The following RMDN1 variants were observed in gnomAD, a reference collection of about 807,000 sequenced individuals.
RMDN1 encodes the protein regulator of microtubule dynamics 1.
In RMDN1, 48 loss-of-function variants were observed where a neutral mutation model predicts 48.9. That is an observed-to-expected ratio of 0.98 (90% CI 0.78 to 1.25). The LOEUF is 1.25. Among genes scored for constraint, RMDN1 ranks in the 50% most tolerant of loss-of-function variants. The pLI is 0.00. For missense variants in RMDN1, 418 were observed against 373.4 expected (o/e 1.12, Z -0.98); for synonymous variants, 148 against 132.6 (o/e 1.12, Z -0.80).
Position 86,508,534 on chromosome 8 carries a change from G to A in RMDN1, c.87C>T (p.Gly29=). 1 of 1,576,706 alleles carries A rather than the reference G, an allele frequency of 6.3e-7. No individual in the cohort carries two copies. Among genetic ancestry groups the A allele is most frequent in the Non-Finnish European group, 8.6e-7 (1 of 1,163,818 alleles). The change falls in exon 1 of 10, where the codon GGC becomes GGT. Residue 29 remains glycine (G), a synonymous_variant. Transcript: ENST00000406452. ...PGSRLPAGTS[G]SRGHCGPCRF... is the part of the protein sequence containing the mutation. Reference sequence around the variant, plus strand: ...GACAGGGGCCGCAATGCCCGCGGCTGCCCGAAGTCCCCGCAGGGAGACGAG... The same window carrying A: ...GACAGGGGCCGCAATGCCCGCGGCTACCCGAAGTCCCCGCAGGGAGACGAG...
chr8:86,491,709 A>G (rs1816529189), intron 2 of RMDN1, among the ~76,000 whole-genome samples: 1 of 152,206 alleles, frequency 6.6e-6, no homozygotes, highest in South Asian at 2.1e-4. Context: ...GAAATCTTAA[A>G]TGTAACCTAA....
chr8:86,509,836 T>C (rs1432321459), upstream of RMDN1, among the ~76,000 whole-genome samples: 4 of 152,194 alleles, frequency 2.6e-5, no homozygotes, highest in African/African-American at 9.7e-5. Context: ...AAAGTCTATC[T>C]TTAAAAATAT....
intron 5 of RMDN1, among the ~76,000 whole-genome samples, chr8:86,481,400 C>G (rs1164481078): frequency 7.9e-5 from 12 of 151,884 alleles, no homozygotes; most frequent in Admixed American, 2.0e-4. Flanking sequence ...ATTGGGAGTT[C>G]CACTAAAAAT....
At chr8:86,494,298 G>A (rs1014017665) in intron 2 of RMDN1, among the ~76,000 whole-genome samples, 2 of 152,216 alleles carry the variant, frequency 1.3e-5, no homozygotes, top group African/African-American at 4.8e-5. Context: ...GCTCATGCCT[G>A]TAATCCCAGC....
intron 1 of RMDN1, among the ~76,000 whole-genome samples, chr8:86,513,719 G>A (rs924625033): frequency 2.0e-5 from 3 of 152,254 alleles, no homozygotes; most frequent in Admixed American, 2.0e-4. Flanking sequence ...ACAGAATCAT[G>A]AGGATTAAAG....
intron 8 of RMDN1, among the ~76,000 whole-genome samples, chr8:86,476,029 A>G (rs1813317380): frequency 6.6e-6 from 1 of 152,182 alleles, no homozygotes; most frequent in African/African-American, 2.4e-5. Flanking sequence ...TGGAAAAATA[A>G]AAGATACTAA....
At chr8:86,486,376 A>C (rs1228586915) in intron 4 of RMDN1, 108 bp downstream of exon 4, 1 of 766,664 alleles carries the variant, frequency 1.3e-6, no homozygotes, top group Non-Finnish European at 1.8e-6. Context: ...AAAAGAAAAA[A>C]AAACTTAAAA....
intron 5 of RMDN1, 124 bp from the exon 6 acceptor site, chr8:86,480,456 A>G (rs1586619584): frequency 2.0e-6 from 1 of 512,298 alleles, no homozygotes; most frequent in East Asian, 3.1e-5. Flanking sequence ...TTCTCCCATT[A>G]TAATATCAAC....
chr8:86,482,815 G>C lies in RMDN1; in HGVS notation c.585+2057C>G. Reference sequence around the variant, plus strand: ...ATTATCAGAACCCAAAATGGAGACGGAGCCATCCTTTGGGGAGGTCACTGC... The same window carrying C: ...ATTATCAGAACCCAAAATGGAGACGCAGCCATCCTTTGGGGAGGTCACTGC... On this transcript the variant is annotated intron_variant, in intron 5 of 9. Transcript: ENST00000406452. The C allele has an allele frequency of 3.9e-6, 4 of 1,013,958 alleles. No individual in the cohort carries two copies. In the South Asian group the frequency reaches 5.1e-5, roughly 13 times the overall value. The allele number at this position is 1,013,958 out of a possible 1,614,324, so 62.8% of individuals were successfully genotyped here. A position where few individuals can be genotyped will look rare whatever the true frequency, so the allele number is the denominator to read the frequency against.
intron 2 of RMDN1, among the ~76,000 whole-genome samples, chr8:86,491,106 T>C (rs546421203): frequency 2.0e-5 from 3 of 151,744 alleles, no homozygotes; most frequent in Non-Finnish European, 2.9e-5. Flanking sequence ...AGCTATAATA[T>C]AATGGCTTTA....
Position 86,508,532 on chromosome 8 carries a change from C to T in RMDN1, c.89G>A (p.Ser30Asn). 2 of 1,573,990 alleles carry T rather than the reference C, an allele frequency of 1.3e-6. No individual in the cohort carries two copies. The highest frequency in any genetic ancestry group is 1.2e-5 in the South Asian group (1 of 86,344). The stretch of plus-strand genomic sequence containing the variant: ...TCGACAGGGGCCGCAATGCCCGCGG[C>T]TGCCCGAAGTCCCCGCAGGGAGACG... Reference protein sequence around the residue: ...GSRLPAGTSGSRGHCGPCRFR... With the variant: ...GSRLPAGTSGNRGHCGPCRFR... The change falls in exon 1 of 10, where the codon AGC becomes AAC. Residue 30 changes from serine (S) to asparagine (N), a missense_variant. Transcript: ENST00000406452.
chr8:86,479,924 TCAAGA>T (rs1322427473), intron 6 of RMDN1, among the ~76,000 whole-genome samples: 3 of 152,140 alleles, frequency 2.0e-5, no homozygotes, highest in Non-Finnish European at 4.4e-5. Context: ...CTCAGATTAA[TCAAGA>T]CTGTATCTGA....
chr8:86,497,527 CCT>C (rs1252119120), intron 2 of RMDN1, among the ~76,000 whole-genome samples: 3 of 151,468 alleles, frequency 2.0e-5, no homozygotes, highest in Admixed American at 2.0e-4. Context: ...ATGGTGAAAC[CCT>C]GTCTCCACTA....
At chr8:86,493,069 T>G (rs1816775025) in intron 2 of RMDN1, among the ~76,000 whole-genome samples, 1 of 151,662 alleles carries the variant, frequency 6.6e-6, no homozygotes, top group Admixed American at 6.6e-5. Context: ...GCCAGCGAAG[T>G]TATATTTTTA....
At chr8:86,512,827 A>G (rs1586817696), upstream of RMDN1, among the ~76,000 whole-genome samples, 1 of 151,988 alleles carries the variant, frequency 6.6e-6, no homozygotes, top group East Asian at 1.9e-4. Context: ...TAATCCCAGC[A>G]CTCTGGGAGG....
chr8:86,468,771 A>G (rs895191847), downstream of RMDN1: 3 of 452,772 alleles, frequency 6.6e-6, no homozygotes, highest in Non-Finnish European at 1.3e-5. Flanking sequence ...TTTCATACCC[A>G]ATTATAGATA....
rs753054729 is a variant in RMDN1 at position 86,496,445 on chromosome 8, T to C, written c.248-7806A>G. ...TGCCCACAGGCTCAAAGAAAAGGAA[T>C]GGAGAAACATCAAGCAAATGGAAAA... On this transcript the variant is annotated intron_variant, in intron 2 of 9. Transcript: ENST00000406452. Among the ~76,000 whole-genome samples, 62 of 152,026 alleles carry C rather than the reference T, an allele frequency of 4.1e-4. 1 individual carries two copies. Among genetic ancestry groups the C allele is most frequent in the Non-Finnish European group, 1.0e-4 (7 of 68,018 alleles).
In RMDN1 at chr8:86,477,289, C is replaced by G. The variant is rs1190585947; in HGVS notation, c.760+5G>C. 6.3e-7 allele frequency: 1 copy of G among 1,595,566 alleles called. No individual in the cohort carries two copies. The highest frequency in any genetic ancestry group is 8.5e-7 in the Non-Finnish European group (1 of 1,170,066). On this transcript the variant is annotated splice_donor_5th_base_variant and intron_variant, in intron 8 of 9. Transcript: ENST00000406452. ...TATTAATATGTGTAATCAAAAATACCTTACCTTGTTCTGCCCTGTGAAAGT... is the reference window on the plus strand; with the variant it reads ...TATTAATATGTGTAATCAAAAATACGTTACCTTGTTCTGCCCTGTGAAAGT...
chr8:86,477,909 C>T (rs1586601441), intron 7 of RMDN1, among the ~76,000 whole-genome samples: 1 of 151,400 alleles, frequency 6.6e-6, no homozygotes, highest in African/African-American at 2.4e-5. Context: ...AAAAAAAGAA[C>T]CAGGTCTCAC....
Sources: allele counts gnomAD v4.1 joint callset (sites outside exome capture counted in the v4.1 genomes callset), GRCh38; gene constraint gnomAD v4.1.1; transcripts MANE v1.5; gene names NCBI Gene and HGNC (gene_info 2026-07-23, HGNC 2026-07-21).